The following CDCA5 variants were observed in gnomAD, a reference collection of about 807,000 sequenced individuals.
The protein encoded by CDCA5 is sororin.
CDCA5 carries 14 observed loss-of-function variants against 25.7 expected under a neutral mutation model. The observed-to-expected ratio is 0.54, with a 90% CI of 0.36 to 0.85. The LOEUF (loss-of-function observed/expected upper bound fraction) is 0.85. Ranked by LOEUF, CDCA5 falls within the 40% of genes least tolerant of loss-of-function variation. CDCA5 has a pLI of 0.01. For synonymous variants in CDCA5, 127 were observed against 128.7 expected, an observed-to-expected ratio of 0.99 and a Z score of 0.09; for missense variants, 307 against 324.5, an observed-to-expected ratio of 0.95 and a Z score of 0.41.
chr11:65,075,442 TTG>T (rs1011136172), downstream of CDCA5, among the ~76,000 whole-genome samples: 1 of 151,962 alleles, frequency 6.6e-6, no homozygotes, highest in South Asian at 2.1e-4. Flanking sequence ...CAGGATCATA[TTG>T]TGTGTTTTAG....
Position 65,079,711 on chromosome 11 carries a change from C to T in CDCA5, c.320G>A (p.Ser107Asn). 6.4e-7 allele frequency: 1 copy of T among 1,554,182 alleles called. No individual in the cohort carries two copies. Among genetic ancestry groups the T allele is most frequent in the Non-Finnish European group, 8.7e-7 (1 of 1,150,672 alleles). ...LTKEDLFKTH[S>N]VPATPTSTPV... ...AGTGCTGGTGGGGGTGGCAGGGACG[C>T]TGTGTGTCTTGAAAAGGTCCTCCTT... Residue 107 changes from serine to asparagine, a missense_variant, in exon 5 of 6, where the codon AGC becomes AAC. Physicochemically the swap from Ser to Asn is conservative, Grantham distance 46. Coordinates refer to ENST00000275517, the MANE Select transcript of CDCA5 (RefSeq NM_080668.4).
chr11:65,080,052 G>A (rs570437507), intron 4 of CDCA5, among the ~76,000 whole-genome samples: 16 of 152,116 alleles, frequency 1.1e-4, no homozygotes, highest in Admixed American at 2.6e-4. Flanking sequence ...CACCTCGCCC[G>A]GCTAATTTTT....
At chr11:65,066,276 A>C (rs1947233600), downstream of CDCA5, 1 of 1,119,402 alleles carries the variant, frequency 8.9e-7, no homozygotes, top group Non-Finnish European at 1.1e-6. Context: ...CCCAGGGCCC[A>C]CAGACACTTG....
downstream of CDCA5, among the ~76,000 whole-genome samples, chr11:65,072,812 A>C (rs1394277884): frequency 2.0e-5 from 3 of 152,162 alleles, no homozygotes; most frequent in African/African-American, 7.2e-5. Flanking sequence ...TGGAGCTTGA[A>C]GGTGCTATGA....
downstream of CDCA5, among the ~76,000 whole-genome samples, chr11:65,063,355 G>A (rs1359790113): frequency 1.3e-5 from 2 of 152,210 alleles, no homozygotes; most frequent in Admixed American, 6.5e-5. Context: ...AAGGGAGCCT[G>A]CTGGGAACAC....
At chr11:65,066,627 TCCTCCTGGATGGCCTGGGCTC>T (rs1251626656) in exon 6 of CDCA5, 3 of 1,288,556 alleles carry the variant, frequency 2.3e-6, no homozygotes, top group Non-Finnish European at 3.0e-6. Flanking sequence ...GGCCTGGGCC[TCCTCCTGGATGGCCTGGGCTC>T]CCTCCTTCAG....
Position 65,077,923 on chromosome 11 carries a change from G to A in CDCA5, c.*1184C>T. The A allele has an allele frequency of 2.0e-6, 2 of 985,602 alleles. No homozygotes were observed. The highest frequency in any genetic ancestry group is 1.2e-6 in the Non-Finnish European group (1 of 830,020). The allele number at this position is 985,602 out of a possible 1,614,324, so 61.1% of individuals were successfully genotyped here. A position where few individuals can be genotyped will look rare whatever the true frequency, so the allele number is the denominator to read the frequency against. ...AAACATCAAAAGGTACAATGGCCAG[G>A]GGTGCGGCAGGAGAGTCGGGGGCAG... is the stretch of plus-strand genomic sequence containing the variant. On this transcript the variant is annotated 3_prime_UTR_variant, in exon 6 of 6. Transcript: ENST00000275517.
At chr11:65,081,174 C>CA (rs2137138460) in intron 4 of CDCA5, among the ~76,000 whole-genome samples, 1 of 152,238 alleles carries the variant, frequency 6.6e-6, no homozygotes, top group East Asian at 1.9e-4. Flanking sequence ...CCTATAATCC[C>CA]AGCACTTTGG....
chr11:65,071,362 T>C (rs1258552191), intron 1 of CDCA5, among the ~76,000 whole-genome samples: 62 of 150,750 alleles, frequency 4.1e-4, no homozygotes, highest in Admixed American at 1.5e-3. Context: ...TTTTTTTTTT[T>C]CCTGGGGACA....
chr11:65,084,000 T>G lies in CDCA5; in HGVS notation c.-22A>C. 6.2e-7 allele frequency: 1 copy of G among 1,604,324 alleles called. No homozygotes were observed. Among genetic ancestry groups the G allele is most frequent in the Non-Finnish European group, 8.5e-7 (1 of 1,175,858 alleles). ...ACATAACTTAGGCTCCGTCTCGAGC[T>G]CCTCCAGCGCCGCCGCCCCGGGCGC... On this transcript the variant is annotated 5_prime_UTR_variant, in exon 1 of 6. Transcript: ENST00000275517.
intron 4 of CDCA5, chr11:65,067,508 C>G (rs966092363): frequency 1.5e-5 from 6 of 387,990 alleles, no homozygotes; most frequent in Non-Finnish European, 2.9e-5. Context: ...CCAGACTGAA[C>G]GCTCCTCAAG....
chr11:65,061,709 A>G (rs540884472), downstream of CDCA5, among the ~76,000 whole-genome samples: 3 of 140,818 alleles, frequency 2.1e-5, no homozygotes, highest in African/African-American at 5.2e-5. Flanking sequence ...TGGGAGGCAG[A>G]GCTTGCAGTG....
exon 4 of CDCA5, chr11:65,067,748 G>A (rs907013816): frequency 1.0e-5 from 13 of 1,289,182 alleles, no homozygotes; most frequent in Admixed American, 4.6e-5. Flanking sequence ...CTGGATCTCC[G>A]AGTCCCTGGA....
At chr11:65,061,792 A>ACC (rs1565259156), downstream of CDCA5, among the ~76,000 whole-genome samples, 1 of 150,850 alleles carries the variant, frequency 6.6e-6, no homozygotes, top group African/African-American at 2.4e-5. Context: ...AAAAAAAAAA[A>ACC]AAACAAAAAA....
intron 1 of CDCA5, chr11:65,068,736 C>T (rs1445342157): frequency 5.6e-6 from 2 of 357,628 alleles, no homozygotes; most frequent in East Asian, 7.9e-5. Flanking sequence ...CAAGCCAGAC[C>T]CCCTCAAAGT....
downstream of CDCA5, among the ~76,000 whole-genome samples, chr11:65,072,654 C>A (rs1427626271): frequency 6.6e-6 from 1 of 152,188 alleles, no homozygotes; most frequent in Admixed American, 6.5e-5. Context: ...GAGGGGCACA[C>A]CTGCCCAGGC....
At chr11:65,068,679 G>C (rs548630318) in intron 1 of CDCA5, 2 of 882,210 alleles carry the variant, frequency 2.3e-6, no homozygotes, top group African/African-American at 1.7e-5. Context: ...CTGGTTTTTA[G>C]GGGGCGGCTT....
At position 65,079,535 on chromosome 11, in the gene CDCA5, A is replaced by G; in HGVS notation, c.496T>C (p.Phe166Leu). The G allele has an allele frequency of 6.2e-7, 1 of 1,614,130 alleles. No homozygotes were observed. ...GCCCCCAGCAGCCCCTCGAAGCCAAAGCAGGACCGGCGGCCTGGGGTGGAG... is the reference window on the plus strand; with the variant it reads ...GCCCCCAGCAGCCCCTCGAAGCCAAGGCAGGACCGGCGGCCTGGGGTGGAG... ...STSTPGRRSC[F>L]GFEGLLGAED... Residue 166 changes from phenylalanine to leucine, a missense_variant, in exon 5 of 6, where the codon TTT becomes CTT. By Grantham distance (22) the Phe-to-Leu change is conservative (BLOSUM62 0). Transcript: ENST00000275517.
At chr11:65,072,908 C>A (rs992750866), downstream of CDCA5, among the ~76,000 whole-genome samples, 1 of 150,676 alleles carries the variant, frequency 6.6e-6, no homozygotes, top group Admixed American at 6.6e-5. Flanking sequence ...ACTTACCATG[C>A]ACCAAGTGCT....
Sources: gnomAD v4.1 joint callset for allele counts (sites outside exome capture counted in the v4.1 genomes callset) on GRCh38, gnomAD v4.1.1 for gene constraint, MANE v1.5 for transcripts, NCBI Gene and HGNC (gene_info 2026-07-23, HGNC 2026-07-21) for gene names.